KHDRBS2: variants seen among roughly 807,000 people sequenced by gnomAD.
The protein encoded by KHDRBS2 is KH domain-containing, RNA-binding, signal transduction-associated protein 2.
In KHDRBS2, 26 loss-of-function variants were observed where a neutral mutation model predicts 44.3. The observed-to-expected ratio is 0.59, with a 90% CI of 0.43 to 0.81. The LOEUF is 0.81. Ranked by LOEUF, KHDRBS2 falls within the 40% of genes least tolerant of loss-of-function variation. The pLI is 0.00. For missense variants in KHDRBS2, 476 were observed against 433.1 expected, an observed-to-expected ratio of 1.10 and a Z score of -0.88; for synonymous variants, 194 against 151.1, an observed-to-expected ratio of 1.28 and a Z score of -2.08.
chr6:61,964,774 G>T (rs1191892380), intron 4 of KHDRBS2, among the ~76,000 whole-genome samples: 1 of 152,022 alleles, frequency 6.6e-6, no homozygotes, highest in African/African-American at 2.4e-5. Context: ...ACAGATGAAT[G>T]AGCCAAACAG....
the KHDRBS2 span, among the ~76,000 whole-genome samples, chr6:61,617,786 T>C: frequency 1.3e-5 from 2 of 152,162 alleles, no homozygotes; most frequent in African/African-American, 4.8e-5. Flanking sequence ...TGTGAAGTAT[T>C]TGCCTATGTC....
intron 2 of KHDRBS2, among the ~76,000 whole-genome samples, chr6:62,105,905 G>T (rs925549976): frequency 1.3e-5 from 2 of 152,056 alleles, no homozygotes; most frequent in Admixed American, 6.6e-5. Context: ...GCTTTCTCTT[G>T]TGGGCATTTA....
At chr6:61,941,964 TA>T (rs1338224111) in intron 4 of KHDRBS2, among the ~76,000 whole-genome samples, 6 of 152,062 alleles carry the variant, frequency 3.9e-5, no homozygotes, top group Middle Eastern at 3.2e-3. Flanking sequence ...TTATTATTAT[TA>T]TTGTATTATT....
At chr6:62,022,410 G>T (rs996132367) in intron 3 of KHDRBS2, among the ~76,000 whole-genome samples, 3 of 151,552 alleles carry the variant, frequency 2.0e-5, no homozygotes, top group African/African-American at 7.3e-5. Context: ...GTATCAAAAT[G>T]GTAAAACTGG....
At chr6:62,005,897 GT>G (rs1450646174) in intron 3 of KHDRBS2, among the ~76,000 whole-genome samples, 1 of 151,854 alleles carries the variant, frequency 6.6e-6, no homozygotes, top group African/African-American at 2.4e-5. Context: ...ATAATACACA[GT>G]TTAAGCGATT....
At chr6:62,092,950 T>C (rs1799756802) in intron 2 of KHDRBS2, among the ~76,000 whole-genome samples, 1 of 152,176 alleles carries the variant, frequency 6.6e-6, no homozygotes, top group East Asian at 1.9e-4. Context: ...TTTAAAGGGC[T>C]GATAGCAAGA....
chr6:61,671,896 T>C, the KHDRBS2 span, among the ~76,000 whole-genome samples: 1 of 151,874 alleles, frequency 6.6e-6, no homozygotes, highest in Non-Finnish European at 1.5e-5. Flanking sequence ...GTGCACAATG[T>C]GAAGGTTAGT....
At chr6:61,803,927 T>C (rs1340115175) in intron 6 of KHDRBS2, among the ~76,000 whole-genome samples, 2 of 152,094 alleles carry the variant, frequency 1.3e-5, no homozygotes, top group Non-Finnish European at 2.9e-5. Context: ...GAGATTACAA[T>C]TCAAGATGAG....
intron 4 of KHDRBS2, among the ~76,000 whole-genome samples, chr6:61,957,297 C>A (rs2088999): frequency 0.19 from 28,639 of 151,964 alleles, 3,116 homozygotes; most frequent in East Asian, 0.32. Flanking sequence ...ATCTGGGCAC[C>A]TTGATAAAAG....
At chr6:61,562,459 C>T in the KHDRBS2 span, among the ~76,000 whole-genome samples, 1 of 152,262 alleles carries the variant, frequency 6.6e-6, no homozygotes, top group East Asian at 1.9e-4. Flanking sequence ...TGAATTCTCC[C>T]TGTTGAAAAG....
chr6:61,658,032 A>C, the KHDRBS2 span, among the ~76,000 whole-genome samples: 1 of 151,958 alleles, frequency 6.6e-6, no homozygotes, highest in Non-Finnish European at 1.5e-5. Flanking sequence ...TGTCTAATTC[A>C]TTCAACAAAC....
At chr6:61,897,711 GTCTCTC>G (rs113407645) in intron 5 of KHDRBS2, among the ~76,000 whole-genome samples, 3,326 of 148,566 alleles carry the variant, frequency 0.022, 126 homozygotes, top group African/African-American at 0.078. Context: ...CTCTGTCTCT[GTCTCTC>G]TCTCTCTCTC....
intron 1 of KHDRBS2, among the ~76,000 whole-genome samples, chr6:62,279,848 C>A (rs1417739705): frequency 2.6e-5 from 4 of 152,144 alleles, no homozygotes; most frequent in Non-Finnish European, 4.4e-5. Flanking sequence ...GAGGGGCCAA[C>A]AGGGGGCTGG....
chr6:62,285,955 G>T lies in KHDRBS2; in HGVS notation c.-7C>A. On this transcript the variant is annotated 5_prime_UTR_variant, in exon 1 of 9. Coordinates refer to ENST00000281156, the MANE Select transcript of KHDRBS2 (RefSeq NM_152688.4). Reference sequence around the variant, plus strand: ...AATATTTCTCCTCTTCCATAGCGCGGACTTCGGATTGTCCCCGGGCGAAGC... The same window carrying T: ...AATATTTCTCCTCTTCCATAGCGCGTACTTCGGATTGTCCCCGGGCGAAGC... 3.1e-6 allele frequency: 5 copies of T among 1,587,518 alleles called. No homozygotes were observed. Among genetic ancestry groups the T allele is most frequent in the Non-Finnish European group, 4.3e-6 (5 of 1,157,204 alleles).
intron 1 of KHDRBS2, among the ~76,000 whole-genome samples, chr6:62,181,314 T>C (rs192175020): frequency 5.9e-5 from 9 of 152,010 alleles, no homozygotes; most frequent in Admixed American, 1.3e-4. Context: ...AGATCTGATA[T>C]CCAAAATACA....
intron 4 of KHDRBS2, among the ~76,000 whole-genome samples, chr6:61,927,946 A>G (rs1809279098): frequency 6.6e-6 from 1 of 152,150 alleles, no homozygotes; most frequent in African/African-American, 2.4e-5. Context: ...GCAGATACAG[A>G]GATTGATACA....
rs866564083 is a variant in KHDRBS2 at position 61,688,915 on chromosome 6, A to G, written c.953-7855T>C. ...TGGTGAGCCCCTTCAACCACACCTTATAGTTTATACTAAGGAGATGATTCA... is the reference window on the plus strand; with the variant it reads ...TGGTGAGCCCCTTCAACCACACCTTGTAGTTTATACTAAGGAGATGATTCA... On this transcript the variant is annotated intron_variant, in intron 8 of 8. Coordinates refer to ENST00000281156, the MANE Select transcript of KHDRBS2 (RefSeq NM_152688.4). Among the ~76,000 whole-genome samples, 4 of 152,008 alleles carry G rather than the reference A, an allele frequency of 2.6e-5. No homozygotes were observed. In the Middle Eastern group the frequency reaches 0.01, roughly 388 times the overall value.
chr6:62,162,679 A>G (rs552566256), intron 2 of KHDRBS2, among the ~76,000 whole-genome samples: 3 of 152,192 alleles, frequency 2.0e-5, no homozygotes, highest in African/African-American at 4.8e-5. Context: ...TGCAACTGCA[A>G]TTGTTGTCTA....
At chr6:61,808,699 G>A (rs1206986466) in intron 6 of KHDRBS2, among the ~76,000 whole-genome samples, 1 of 152,044 alleles carries the variant, frequency 6.6e-6, no homozygotes, top group East Asian at 1.9e-4. Flanking sequence ...GTATTTCAAT[G>A]ACTGCAATTG....
Sources: allele counts gnomAD v4.1 joint callset (sites outside exome capture counted in the v4.1 genomes callset), GRCh38; gene constraint gnomAD v4.1.1; transcripts MANE v1.5; gene names NCBI Gene and HGNC (gene_info 2026-07-23, HGNC 2026-07-21).